The following LRRC40 variants were observed in gnomAD, a reference collection of about 807,000 sequenced individuals.
LRRC40 encodes the protein leucine rich repeat containing 40.
A neutral mutation model predicts 72.8 loss-of-function variants in LRRC40; 76 were observed. The ratio of observed to expected loss-of-function variants is 1.04; its 90% CI spans 0.87 to 1.26. The LOEUF (loss-of-function observed/expected upper bound fraction) is 1.26, where lower values mean the gene tolerates loss of function less well. LRRC40 is among the 50% of genes most tolerant of loss of function. The probability of loss-of-function intolerance (pLI) is 0.00; values close to 1 mark genes in which losing one functional copy is unlikely to be tolerated. For missense variants in LRRC40, 684 were observed against 698.9 expected (o/e 0.98, Z 0.24); for synonymous variants, 243 against 254.2 (o/e 0.96, Z 0.42).
intron 10 of LRRC40, among the ~76,000 whole-genome samples, chr1:70,158,153 A>C (rs1440388683): frequency 1.3e-5 from 2 of 151,570 alleles, no homozygotes; most frequent in Non-Finnish European, 1.5e-5. Context: ...TCTGTAAGAA[A>C]GAGTCAAATG....
At chr1:70,157,102 A>G (rs1667654522) in intron 10 of LRRC40, among the ~76,000 whole-genome samples, 1 of 152,190 alleles carries the variant, frequency 6.6e-6, no homozygotes, top group Non-Finnish European at 1.5e-5. Flanking sequence ...ATGACTATGA[A>G]CAGAAAAACA....
rs1462701397 is a variant in LRRC40, at chr1:70,205,569, G to A, written c.-29C>T. On this transcript the variant is annotated 5_prime_UTR_variant, in exon 1 of 15. Transcript: ENST00000370952. The stretch of plus-strand genomic sequence containing the variant: ...CAAAGTCCTAGGTCCAGAAGCTGCA[G>A]CCCCACCCGTGACGCTTAAAGGTGG... The A allele has an allele frequency of 1.3e-6, 2 of 1,563,426 alleles. No homozygotes were observed. Among genetic ancestry groups the A allele is most frequent in the Non-Finnish European group, 1.7e-6 (2 of 1,143,036 alleles).
chr1:70,152,799 A>C (rs961973910), intron 11 of LRRC40, among the ~76,000 whole-genome samples: 3 of 152,180 alleles, frequency 2.0e-5, no homozygotes, highest in African/African-American at 7.2e-5. Context: ...TCACTTAAAA[A>C]ACTATTTATT....
intron 4 of LRRC40, among the ~76,000 whole-genome samples, chr1:70,184,244 TC>T (rs888509057): frequency 3.3e-5 from 5 of 151,832 alleles, no homozygotes; most frequent in African/African-American, 1.2e-4. Flanking sequence ...TAAGACCATG[TC>T]CCCCCAAAAA....
chr1:70,162,583 T>C (rs1351457374), intron 9 of LRRC40, among the ~76,000 whole-genome samples: 1 of 152,184 alleles, frequency 6.6e-6, no homozygotes, highest in South Asian at 2.1e-4. Context: ...ACATGAAAGA[T>C]GATGAACATA....
rs566159400 is a variant in LRRC40 at position 70,167,983 on chromosome 1, G to T, written c.1111+5482C>A. Among the ~76,000 whole-genome samples, 4 of 152,280 alleles carry T rather than the reference G, an allele frequency of 2.6e-5. No individual in the cohort carries two copies. In the South Asian group the frequency reaches 6.2e-4, roughly 24 times the overall value. On this transcript the variant is annotated intron_variant, in intron 9 of 14. Transcript: ENST00000370952. Reference sequence around the variant, plus strand: ...GTTCAAGAAAATCTATGGAAATTTTGTAAGAGGTGAGTCTGTGGTATTTGA... The same window carrying T: ...GTTCAAGAAAATCTATGGAAATTTTTTAAGAGGTGAGTCTGTGGTATTTGA...
chr1:70,162,553 T>G (rs1667788644), intron 9 of LRRC40, among the ~76,000 whole-genome samples: 1 of 152,232 alleles, frequency 6.6e-6, no homozygotes, highest in African/African-American at 2.4e-5. Context: ...ATTTCTTTAG[T>G]GAAGCACCCC....
chr1:70,177,056 A>G (rs1668122355), intron 6 of LRRC40, among the ~76,000 whole-genome samples: 1 of 152,172 alleles, frequency 6.6e-6, no homozygotes, highest in Non-Finnish European at 1.5e-5. Flanking sequence ...CAGGCGGATC[A>G]CCTGAGGTCA....
intron 9 of LRRC40, among the ~76,000 whole-genome samples, chr1:70,169,777 GTAA>G (rs1177093202): frequency 1.3e-5 from 2 of 151,996 alleles, no homozygotes; most frequent in African/African-American, 4.8e-5. Flanking sequence ...CACGTGAAGA[GTAA>G]TAAAAAAAAC....
intron 1 of LRRC40, among the ~76,000 whole-genome samples, chr1:70,199,166 AC>A (rs1187212338): frequency 6.6e-6 from 1 of 151,772 alleles, no homozygotes; most frequent in East Asian, 1.9e-4. Context: ...CAATAAATAA[AC>A]TAAATTAGAT....
At chr1:70,178,629 A>T (rs1668162877) in intron 6 of LRRC40, among the ~76,000 whole-genome samples, 1 of 152,144 alleles carries the variant, frequency 6.6e-6, no homozygotes, top group Non-Finnish European at 1.5e-5. Flanking sequence ...GAAATGGACA[A>T]ATCTCTATTT....
intron 10 of LRRC40, among the ~76,000 whole-genome samples, chr1:70,157,931 C>T (rs939146774): frequency 6.6e-6 from 1 of 151,282 alleles, no homozygotes; most frequent in African/African-American, 2.4e-5. Flanking sequence ...CAGAGAGGCC[C>T]CATCTCTACA....
intron 9 of LRRC40, among the ~76,000 whole-genome samples, chr1:70,171,570 G>A (rs1235622078): frequency 1.3e-5 from 2 of 151,974 alleles, no homozygotes; most frequent in African/African-American, 4.8e-5. Context: ...GACTAATAAA[G>A]CACAGGAAAA....
chr1:70,188,533 A>G (rs1339253359), intron 2 of LRRC40, among the ~76,000 whole-genome samples: 2 of 151,984 alleles, frequency 1.3e-5, no homozygotes, highest in Non-Finnish European at 2.9e-5. Context: ...ACAGGAGTTC[A>G]AGACCAGTCT....
chr1:70,184,789 TC>T lies in LRRC40; in HGVS notation c.532del (p.Asp178IlefsTer2), dbSNP rs1668324692. 1 of 1,599,280 alleles carries T rather than the reference TC, an allele frequency of 6.3e-7. No individual in the cohort carries two copies. Among genetic ancestry groups the T allele is most frequent in the African/African-American group, 1.4e-5 (1 of 73,832 alleles). On this transcript the variant is annotated frameshift_variant, in exon 4 of 15. Transcript: ENST00000370952. LOFTEE classifies it high-confidence loss of function. ...EGFEQLSNLE[D>X]LDLSNNHLTT... ...AATTGGAAAATCAGAACTTACTAAA[TC>T]TTCTAAATTGGAAAGTTGTTCAAAT...
rs760031682 is a variant in LRRC40, at chr1:70,181,091, A to T, written c.656T>A (p.Met219Lys). ...GTAAAACAGAAAATATTTACTTTTCATTCTATTTATTTCTGCTGGCAAACT... is the reference window on the plus strand; with the variant it reads ...GTAAAACAGAAAATATTTACTTTTCTTTCTATTTATTTCTGCTGGCAAACT... Reference protein sequence around the residue: ...LKSLPAEINRMKRLKHLDCNS... With the variant: ...LKSLPAEINRKKRLKHLDCNS... Residue 219 changes from methionine (M) to lysine (K), a missense_variant, in exon 5 of 15, where the codon ATG (methionine) becomes AAG (lysine). Met to Lys is a moderately conservative substitution (Grantham distance 95). Transcript: ENST00000370952. The T allele has an allele frequency of 1.3e-6, 2 of 1,517,106 alleles. No homozygotes were observed. The highest frequency in any genetic ancestry group is 2.4e-5 in the South Asian group (2 of 84,066). 94.0% of individuals were successfully genotyped at this position (1,517,106 alleles called of 1,614,324 possible).
chr1:70,202,526 AG>A (rs1336486355), intron 1 of LRRC40, among the ~76,000 whole-genome samples: 1 of 152,216 alleles, frequency 6.6e-6, no homozygotes, highest in Non-Finnish European at 1.5e-5. Context: ...CCCACAGTTC[AG>A]GGGAAGATAG....
chr1:70,159,875 C>A (rs1489504675), intron 9 of LRRC40, among the ~76,000 whole-genome samples: 1 of 152,146 alleles, frequency 6.6e-6, no homozygotes, highest in Non-Finnish European at 1.5e-5. Flanking sequence ...AATTGATTAT[C>A]CTCAATCACT....
chr1:70,191,385 G>A (rs1668497336), intron 1 of LRRC40, among the ~76,000 whole-genome samples: 1 of 152,008 alleles, frequency 6.6e-6, no homozygotes, highest in Non-Finnish European at 1.5e-5. Flanking sequence ...GGAGAAAGGT[G>A]GGGATAACAA....
Sources: gnomAD v4.1 joint callset for allele counts (sites outside exome capture counted in the v4.1 genomes callset) on GRCh38, gnomAD v4.1.1 for gene constraint, MANE v1.5 for transcripts, NCBI Gene and HGNC (gene_info 2026-07-23, HGNC 2026-07-21) for gene names.